The following PAN3 variants were observed in gnomAD, a reference collection of about 807,000 sequenced individuals.
PAN3 encodes the protein poly(A) specific ribonuclease subunit PAN3.
A neutral mutation model predicts 96.2 loss-of-function variants in PAN3; 19 were observed. The ratio of observed to expected loss-of-function variants is 0.20; its 90% CI spans 0.14 to 0.29. The LOEUF is 0.29. Ranked by LOEUF, PAN3 falls within the 10% of genes least tolerant of loss-of-function variation. The pLI is 1.00. For missense variants in PAN3, 882 were observed against 1,108.1 expected, an observed-to-expected ratio of 0.80 and a Z score of 2.90; for synonymous variants, 433 against 406.6, an observed-to-expected ratio of 1.06 and a Z score of -0.78.
chr13:28,143,512 A>G (rs1270194900), intron 1 of PAN3, among the ~76,000 whole-genome samples: 3 of 152,144 alleles, frequency 2.0e-5, no homozygotes, highest in African/African-American at 7.2e-5. Context: ...CAATTCTCCT[A>G]ATGTAGTTAC....
chr13:28,189,535 A>C (rs1566170950), intron 4 of PAN3, among the ~76,000 whole-genome samples: 13 of 130,718 alleles, frequency 9.9e-5, no homozygotes, highest in Non-Finnish European at 1.1e-4. Context: ...AAAACAAAAC[A>C]AAACAAAAAA....
intron 1 of PAN3, among the ~76,000 whole-genome samples, chr13:28,147,221 A>G (rs1219802366): frequency 6.6e-6 from 1 of 152,176 alleles, no homozygotes; most frequent in Non-Finnish European, 1.5e-5. Context: ...TCTGTGTGAA[A>G]ATACATTTCT....
chr13:28,292,330 A>C (rs960679313), intron 18 of PAN3, 52 bp from the exon 19 acceptor site: 17 of 1,482,670 alleles, frequency 1.1e-5, no homozygotes, highest in African/African-American at 1.1e-4. Context: ...AACGTAGATA[A>C]ATTCTTTTCT....
At chr13:28,263,834 C>T (rs1003633301) in intron 9 of PAN3, among the ~76,000 whole-genome samples, 1 of 151,946 alleles carries the variant, frequency 6.6e-6, no homozygotes, top group African/African-American at 2.4e-5. Flanking sequence ...ACATTTGTAG[C>T]GATGATAAAA....
At chr13:28,282,598 C>T (rs961368843) in intron 17 of PAN3, among the ~76,000 whole-genome samples, 2 of 152,194 alleles carry the variant, frequency 1.3e-5, no homozygotes, top group African/African-American at 2.4e-5. Context: ...CGTGCACGCA[C>T]GTGCACACAC....
rs1869165199 is a variant in PAN3, at chr13:28,138,858, G to A, written c.201G>A (p.Leu67=). The part of the protein sequence containing the change: ...TCFYGEECQF[L]HEDPAAGAAP... Reference sequence around the variant, plus strand: ...TCTACGGGGAGGAGTGTCAGTTCCTGCATGAGGACCCTGCCGCCGGGGCTG... The same window carrying A: ...TCTACGGGGAGGAGTGTCAGTTCCTACATGAGGACCCTGCCGCCGGGGCTG... The change falls in exon 1 of 19, where the codon CTG becomes CTA. Residue 67 remains leucine (L), a synonymous_variant. Coordinates refer to ENST00000380958, the MANE Select transcript of PAN3 (RefSeq NM_175854.8). The A allele has an allele frequency of 1.4e-6, 2 of 1,423,808 alleles. No homozygotes were observed. Among genetic ancestry groups the A allele is most frequent in the Admixed American group, 2.8e-5 (1 of 35,692 alleles). The allele number at this position is 1,423,808 out of a possible 1,614,324, so 88.2% of individuals were successfully genotyped here. A position where few individuals can be genotyped will look rare whatever the true frequency, so the allele number is the denominator to read the frequency against.
intron 1 of PAN3, among the ~76,000 whole-genome samples, chr13:28,139,556 G>A (rs1869381889): frequency 6.7e-6 from 1 of 150,182 alleles, no homozygotes; most frequent in South Asian, 2.1e-4. Flanking sequence ...GTGTGTAGGG[G>A]GCGGGAGGTG....
At position 28,270,871 on chromosome 13, in the gene PAN3, T is replaced by C; in HGVS notation, c.1958+5T>C. Reference sequence around the variant, plus strand: ...TCTGATAACTGGCAAAACAAGGTACTAGCATTTTGAGTTTTGGTTTCTTTT... The same window carrying C: ...TCTGATAACTGGCAAAACAAGGTACCAGCATTTTGAGTTTTGGTTTCTTTT... On this transcript the variant is annotated splice_donor_5th_base_variant and intron_variant, in intron 13 of 18. Transcript: ENST00000380958. 1 of 1,612,190 alleles carries C rather than the reference T, an allele frequency of 6.2e-7. No homozygotes were observed. The highest frequency in any genetic ancestry group is 1.7e-4 in the Middle Eastern group (1 of 6,054).
intron 4 of PAN3, among the ~76,000 whole-genome samples, chr13:28,190,094 C>T (rs1877047603): frequency 6.6e-6 from 1 of 152,150 alleles, no homozygotes; most frequent in South Asian, 2.1e-4. Flanking sequence ...TAGGCGCGTA[C>T]CACCACGCCT....
chr13:28,169,222 C>CTTTTTTTTTTTTTTTTTTTTTTT (rs202200725), intron 1 of PAN3, among the ~76,000 whole-genome samples: 1 of 74,990 alleles, frequency 1.3e-5, no homozygotes, highest in Non-Finnish European at 2.4e-5. Context: ...TTTTTGTTTG[C>CTTTTTTTTTTTTTTTTTTTTTTT]TTTTTTTTTT....
intron 7 of PAN3, among the ~76,000 whole-genome samples, chr13:28,258,204 C>A (rs1455953901): frequency 6.6e-6 from 1 of 152,106 alleles, no homozygotes; most frequent in South Asian, 2.1e-4. Context: ...GGAAACCTTA[C>A]AAGTATCACA....
At position 28,270,792 on chromosome 13, in the gene PAN3, G is replaced by A. The variant is rs761216667; in HGVS notation, c.1884G>A (p.Leu628=). The A allele has an allele frequency of 8.1e-6, 13 of 1,613,950 alleles. No individual in the cohort carries two copies. The African/African-American group carries it at 1.5e-4, about 18-fold the overall frequency. Residue 628 remains leucine (L), a synonymous_variant, in exon 13 of 19, where the codon TTG becomes TTA. Coordinates refer to ENST00000380958, the MANE Select transcript of PAN3 (RefSeq NM_175854.8). ...WAYIVQLSSA[L]RTIHTAGLAC... ...ATATTGTCCAACTAAGTTCTGCATT[G>A]CGTACCATTCATACAGCAGGTTTGG...
chr13:28,198,493 TTGAC>T (rs746904606), intron 5 of PAN3, among the ~76,000 whole-genome samples: 36 of 152,208 alleles, frequency 2.4e-4, no homozygotes, highest in Admixed American at 4.6e-4. Flanking sequence ...CATTCCATCT[TTGAC>T]TGTACCTTTT....
At chr13:28,237,312 G>A (rs1158326132) in intron 6 of PAN3, among the ~76,000 whole-genome samples, 1 of 152,120 alleles carries the variant, frequency 6.6e-6, no homozygotes, top group Non-Finnish European at 1.5e-5. Flanking sequence ...TTGTCAGAAT[G>A]TGGGGAGAAG....
chr13:28,155,886 T>C (rs7327508), intron 1 of PAN3, among the ~76,000 whole-genome samples: 1 of 152,032 alleles, frequency 6.6e-6, no homozygotes, highest in Non-Finnish European at 1.5e-5. Context: ...GGAAGCTCTA[T>C]TCATAGTTTT....
At chr13:28,166,297 A>AG (rs772816760) in intron 1 of PAN3, among the ~76,000 whole-genome samples, 24 of 152,210 alleles carry the variant, frequency 1.6e-4, no homozygotes, top group Non-Finnish European at 2.2e-4. Context: ...GAAAGAAGAA[A>AG]GGGATAGCAG....
At chr13:28,288,286 A>G (rs1489229516) in intron 18 of PAN3, among the ~76,000 whole-genome samples, 164 bp downstream of exon 18, 1 of 152,180 alleles carries the variant, frequency 6.6e-6, no homozygotes, top group African/African-American at 2.4e-5. Context: ...GATTTTTACA[A>G]TACTTGCATG....
At chr13:28,158,585 T>C (rs1264331303) in intron 1 of PAN3, among the ~76,000 whole-genome samples, 1 of 152,122 alleles carries the variant, frequency 6.6e-6, no homozygotes, top group African/African-American at 2.4e-5. Context: ...TATGAAAAAA[T>C]GCTCAACATT....
At chr13:28,280,885 G>A (rs1887422804) in intron 16 of PAN3, among the ~76,000 whole-genome samples, 1 of 152,124 alleles carries the variant, frequency 6.6e-6, no homozygotes, top group Non-Finnish European at 1.5e-5. Context: ...TTAAAAGAAT[G>A]TACACACAAC....
Sources: allele counts gnomAD v4.1 joint callset (sites outside exome capture counted in the v4.1 genomes callset), GRCh38; gene constraint gnomAD v4.1.1; transcripts MANE v1.5; gene names NCBI Gene and HGNC (gene_info 2026-07-23, HGNC 2026-07-21).